Variants in MDFIC observed in about 807,000 individuals in gnomAD.
The protein encoded by MDFIC is MyoD family inhibitor domain containing, also known as myoD family inhibitor domain-containing protein.
Under a neutral mutation model 23.2 loss-of-function variants are expected in MDFIC, and 17 were observed. The observed-to-expected ratio is 0.73, with a 90% CI of 0.50 to 1.10. MDFIC has a LOEUF of 1.10. Ranked by LOEUF, MDFIC falls within the 50% of genes least tolerant of loss-of-function variation. The pLI is 0.00. For missense variants in MDFIC, 356 were observed against 316.6 expected (o/e 1.12, Z -0.95); for synonymous variants, 120 against 115.2 (o/e 1.04, Z -0.27).
Position 115,004,293 on chromosome 7 carries a change from A to T in MDFIC, c.494-11395A>T, listed in dbSNP as rs544850433. Among the ~76,000 whole-genome samples the T allele has an allele frequency of 5.3e-5, 8 of 152,282 alleles. 1 individual carries two copies. The highest frequency in any genetic ancestry group is 1.9e-4 in the African/African-American group (8 of 41,566). ...ACTTACTATGTAACACTCCTTGCTC[A>T]TTATTTACTCCAGTTGGGCGTGGTG... On this transcript the variant is annotated intron_variant, in intron 4 of 4. Transcript: ENST00000393486.
intron 2 of MDFIC, among the ~76,000 whole-genome samples, chr7:114,924,587 T>TAGC (rs10635814): frequency 0.9 from 137,262 of 151,948 alleles, 62,227 homozygotes; most frequent in East Asian, 1. Context: ...TGGCCTGAAG[T>TAGC]ACATTTGTTG....
rs964627214 is a variant in MDFIC at position 114,962,813 on chromosome 7, T to C, written c.218-16693T>C. On this transcript the variant is annotated intron_variant, in intron 3 of 4. Coordinates refer to ENST00000393486, the MANE Select transcript of MDFIC (RefSeq NM_001166345.3). ...CATTTCTAAAATCTGAGCAGATTCATAAGAATGGCAACATGATTCCCTCAC... is the reference window on the plus strand; with the variant it reads ...CATTTCTAAAATCTGAGCAGATTCACAAGAATGGCAACATGATTCCCTCAC... Among the ~76,000 whole-genome samples the C allele has an allele frequency of 2.0e-5, 3 of 152,184 alleles. No individual in the cohort carries two copies. In the East Asian group the frequency reaches 5.8e-4, roughly 29 times the overall value.
At chr7:114,959,993 A>C (rs1417169326) in intron 3 of MDFIC, among the ~76,000 whole-genome samples, 10 of 152,166 alleles carry the variant, frequency 6.6e-5, no homozygotes, top group Non-Finnish European at 1.5e-5. Flanking sequence ...GTGTATAGTG[A>C]AAGACTATAT....
At chr7:114,990,948 A>G (rs1026189593) in intron 4 of MDFIC, among the ~76,000 whole-genome samples, 1 of 151,886 alleles carries the variant, frequency 6.6e-6, no homozygotes, top group African/African-American at 2.4e-5. Context: ...TGGTTGAACT[A>G]GTTTACAGTC....
At chr7:114,998,579 G>A (rs1791393166) in intron 4 of MDFIC, among the ~76,000 whole-genome samples, 1 of 152,024 alleles carries the variant, frequency 6.6e-6, no homozygotes, top group South Asian at 2.1e-4. Flanking sequence ...AGCTTAGATG[G>A]ATTATATTTA....
At chr7:114,930,439 C>T (rs891187503) in intron 2 of MDFIC, among the ~76,000 whole-genome samples, 3 of 152,238 alleles carry the variant, frequency 2.0e-5, no homozygotes, top group African/African-American at 7.2e-5. Context: ...GCTAAGACCT[C>T]TGGCGAGAAA....
At chr7:115,004,854 T>G (rs1263272348) in intron 4 of MDFIC, among the ~76,000 whole-genome samples, 1 of 152,212 alleles carries the variant, frequency 6.6e-6, no homozygotes. Flanking sequence ...GGCCATTATT[T>G]ATATGAAGCC....
chr7:114,950,019 G>A (rs1385551366), intron 3 of MDFIC, among the ~76,000 whole-genome samples: 3 of 152,184 alleles, frequency 2.0e-5, no homozygotes, highest in Non-Finnish European at 4.4e-5. Context: ...GAGGCGTGGT[G>A]AGAAATGAGA....
intron 4 of MDFIC, 38 bp downstream of exon 4, chr7:114,979,819 T>C: frequency 6.3e-7 from 1 of 1,580,898 alleles, no homozygotes; most frequent in Non-Finnish European, 8.7e-7. Flanking sequence ...TTTGACCAGA[T>C]GTAAAATAAT....
chr7:114,955,644 G>A (rs1330172418), intron 3 of MDFIC, among the ~76,000 whole-genome samples: 1 of 152,174 alleles, frequency 6.6e-6, no homozygotes, highest in East Asian at 1.9e-4. Context: ...TTGAATAAAT[G>A]AAAGTCTTTA....
chr7:114,947,960 A>C (rs2115793400), intron 3 of MDFIC, among the ~76,000 whole-genome samples: 1 of 152,266 alleles, frequency 6.6e-6, no homozygotes. Context: ...TTGTTTTTTA[A>C]GTTCATCATG....
intron 2 of MDFIC, among the ~76,000 whole-genome samples, chr7:114,931,074 T>TCC (rs1359102963): frequency 2.6e-5 from 4 of 151,256 alleles, no homozygotes. Context: ...TCCTCCTCCC[T>TCC]CTCTCTCTCT....
chr7:114,932,182 ACT>A (rs1228031549), intron 2 of MDFIC, among the ~76,000 whole-genome samples: 2 of 152,170 alleles, frequency 1.3e-5, no homozygotes, highest in Admixed American at 6.5e-5. Context: ...TGTTCAAATA[ACT>A]CTATCAGTTT....
At chr7:114,999,046 C>T (rs1373951245) in intron 4 of MDFIC, among the ~76,000 whole-genome samples, 1 of 151,992 alleles carries the variant, frequency 6.6e-6, no homozygotes, top group Non-Finnish European at 1.5e-5. Context: ...TTCCCCATGT[C>T]TCTTTCTCAT....
intron 4 of MDFIC, among the ~76,000 whole-genome samples, chr7:115,011,929 A>G (rs1364373830): frequency 6.6e-6 from 1 of 152,074 alleles, no homozygotes; most frequent in Admixed American, 6.5e-5. Context: ...AGACACTAAA[A>G]CTTTTTTATT....
chr7:114,992,384 A>C (rs1585116596), intron 4 of MDFIC, among the ~76,000 whole-genome samples: 1 of 110 alleles, frequency 9.1e-3, no homozygotes, highest in African/African-American at 0.011. Flanking sequence ...TTCCAACACT[A>C]TGTTGAATAG....
At chr7:114,971,681 C>A (rs1793207554) in intron 3 of MDFIC, among the ~76,000 whole-genome samples, 1 of 152,032 alleles carries the variant, frequency 6.6e-6, no homozygotes, top group Admixed American at 6.6e-5. Flanking sequence ...TTGTTAATTT[C>A]TCTGGATAAT....
intron 4 of MDFIC, among the ~76,000 whole-genome samples, chr7:114,999,767 TTG>T (rs999933793): frequency 2.6e-5 from 1 of 38,992 alleles, no homozygotes; most frequent in Non-Finnish European, 7.0e-5. Context: ...GTCCTTAGCA[TTG>T]GGGGAGGGTC....
intron 4 of MDFIC, among the ~76,000 whole-genome samples, chr7:115,004,929 C>A (rs1791540115): frequency 6.6e-6 from 1 of 152,204 alleles, no homozygotes; most frequent in Non-Finnish European, 1.5e-5. Flanking sequence ...TGTGGGGTTT[C>A]TGTACAGTAT....
Sources: allele counts gnomAD v4.1 joint callset (sites outside exome capture counted in the v4.1 genomes callset), GRCh38; gene constraint gnomAD v4.1.1; transcripts MANE v1.5; gene names NCBI Gene and HGNC (gene_info 2026-07-23, HGNC 2026-07-21).